Variants in ZSWIM6 observed in about 807,000 individuals in gnomAD.
ZSWIM6 encodes the protein zinc finger SWIM-type containing 6, also known as zinc finger SWIM domain-containing protein 6.
In ZSWIM6, 9 loss-of-function variants were observed where a neutral mutation model predicts 113.2. The ratio of observed to expected loss-of-function variants is 0.08; its 90% CI spans 0.05 to 0.14. ZSWIM6 has a LOEUF of 0.14. ZSWIM6 is among the 10% of genes least tolerant of loss of function. The pLI is 1.00. For synonymous variants in ZSWIM6, 611 were observed against 606.5 expected (o/e 1.01, Z -0.11); for missense variants, 1,162 against 1,552.2 (o/e 0.75, Z 4.22).
At position 61,441,048 on chromosome 5, in the gene ZSWIM6, C is replaced by A. The variant is rs373457937; in HGVS notation, c.677-31633C>A. ...GTTGAGAAACAAACTTGAAATAGAT[C>A]ATACAGGTAACTAGGGACTTACAGA... On this transcript the variant is annotated intron_variant, in intron 1 of 13. Transcript: ENST00000252744. Among the ~76,000 whole-genome samples, 20 of 152,190 alleles carry A rather than the reference C, an allele frequency of 1.3e-4. No individual in the cohort carries two copies. In the East Asian group the frequency reaches 1.9e-3, roughly 15 times the overall value.
chr5:61,476,028 T>C (rs1747701334), intron 2 of ZSWIM6, among the ~76,000 whole-genome samples: 1 of 152,216 alleles, frequency 6.6e-6, no homozygotes, highest in African/African-American at 2.4e-5. Flanking sequence ...GGTTAAGATA[T>C]GATTTAGACT....
In ZSWIM6 at chr5:61,356,779, T is replaced by A. The variant is rs1312465928; in HGVS notation, c.676+23831T>A. 4.3e-5 allele frequency among the ~76,000 whole-genome samples: 6 copies of A among 140,726 alleles called. No homozygotes were observed. In the South Asian group the frequency reaches 8.5e-4, roughly 20 times the overall value. 92.3% of individuals were successfully genotyped at this position (140,726 alleles called of 152,430 possible). A position where few individuals can be genotyped will look rare whatever the true frequency, so the allele number is the denominator to read the frequency against. ...ATATATAATATGTATAATATATATA[T>A]AAATATTTTATATATAATATAAATA... On this transcript the variant is annotated intron_variant, in intron 1 of 13. Coordinates refer to ENST00000252744, the MANE Select transcript of ZSWIM6 (RefSeq NM_020928.2).
chr5:61,542,843 C>T (rs1318095103), intron 13 of ZSWIM6, among the ~76,000 whole-genome samples: 1 of 152,140 alleles, frequency 6.6e-6, no homozygotes, highest in Admixed American at 6.5e-5. Flanking sequence ...AGACCTAGTA[C>T]CTTCTCTTCA....
chr5:61,485,693 A>G (rs888669804), intron 2 of ZSWIM6, among the ~76,000 whole-genome samples: 10 of 152,144 alleles, frequency 6.6e-5, no homozygotes, highest in Non-Finnish European at 7.4e-5. Flanking sequence ...GCTGTTTTTC[A>G]AGCAACTATC....
intron 1 of ZSWIM6, among the ~76,000 whole-genome samples, chr5:61,444,478 G>A (rs1173832189): frequency 6.6e-6 from 1 of 152,004 alleles, no homozygotes; most frequent in Non-Finnish European, 1.5e-5. Context: ...TGGGATTGCT[G>A]GGTCAAATGG....
At chr5:61,494,133 C>CAT (rs1748257934) in intron 3 of ZSWIM6, 127 bp from the exon 4 acceptor site, 1 of 1,027,788 alleles carries the variant, frequency 9.7e-7, no homozygotes, top group African/African-American at 1.6e-5. Context: ...CACACACACA[C>CAT]ACACACACAC....
chr5:61,522,312 G>A (rs913620706), intron 5 of ZSWIM6, among the ~76,000 whole-genome samples: 1 of 152,038 alleles, frequency 6.6e-6, no homozygotes, highest in African/African-American at 2.4e-5. Context: ...ATTTTTGCAT[G>A]ATTCAGTGCA....
chr5:61,517,300 G>A (rs1272123828), intron 4 of ZSWIM6, among the ~76,000 whole-genome samples: 1 of 151,930 alleles, frequency 6.6e-6, no homozygotes, highest in Non-Finnish European at 1.5e-5. Context: ...TGTTTTTAAG[G>A]CTCGGCTCAT....
intron 8 of ZSWIM6, among the ~76,000 whole-genome samples, chr5:61,530,941 A>G (rs1482303634): frequency 1.3e-5 from 2 of 152,164 alleles, no homozygotes; most frequent in Non-Finnish European, 2.9e-5. Context: ...AGTTTGTTAT[A>G]ATTTATAATA....
At chr5:61,396,084 C>T (rs538116058) in intron 1 of ZSWIM6, among the ~76,000 whole-genome samples, 137 of 152,174 alleles carry the variant, frequency 9.0e-4, no homozygotes, top group Non-Finnish European at 1.6e-3. Context: ...TTGGGCAGGG[C>T]GAACCAGAAG....
intron 1 of ZSWIM6, among the ~76,000 whole-genome samples, chr5:61,434,971 T>G (rs1236622755): frequency 6.6e-6 from 1 of 152,208 alleles, no homozygotes; most frequent in Non-Finnish European, 1.5e-5. Flanking sequence ...TTAACCTGTC[T>G]TTAAATGCTG....
chr5:61,513,800 T>C (rs191637402), intron 4 of ZSWIM6, among the ~76,000 whole-genome samples: 1 of 152,260 alleles, frequency 6.6e-6, no homozygotes, highest in East Asian at 1.9e-4. Flanking sequence ...CTGAACTCTA[T>C]TCTGTTCCTT....
At chr5:61,365,868 C>T in intron 1 of ZSWIM6, among the ~76,000 whole-genome samples, 1 of 152,086 alleles carries the variant, frequency 6.6e-6, no homozygotes, top group East Asian at 1.9e-4. Context: ...TGCCCAATAC[C>T]TTAGTTCCTC....
chr5:61,391,500 T>A, intron 1 of ZSWIM6: 3 of 1,266,932 alleles, frequency 2.4e-6, no homozygotes, highest in Non-Finnish European at 3.5e-6. Flanking sequence ...TCTTCTTAGA[T>A]TTATGCCGGT....
chr5:61,465,953 T>A (rs2112174634), intron 1 of ZSWIM6, among the ~76,000 whole-genome samples: 1 of 152,322 alleles, frequency 6.6e-6, no homozygotes, highest in Non-Finnish European at 1.5e-5. Context: ...TAGAAATTAG[T>A]GCTAGAGGAT....
chr5:61,392,014 T>G (rs1745727670), intron 1 of ZSWIM6: 2 of 389,898 alleles, frequency 5.1e-6, no homozygotes, highest in East Asian at 1.1e-4. Flanking sequence ...ATTTCCCTCA[T>G]AGATTGACAT....
chr5:61,391,344 C>T (rs1745707021), intron 1 of ZSWIM6: 1 of 828,140 alleles, frequency 1.2e-6, no homozygotes, highest in African/African-American at 1.7e-5. Flanking sequence ...GGTGGGCCTT[C>T]CTCTGGTGCA....
Position 61,525,956 on chromosome 5 carries a change from G to T in ZSWIM6, c.1670G>T (p.Arg557Leu), listed in dbSNP as rs139745227. The change falls in exon 6 of 14, where the codon CGC becomes CTC. Residue 557 changes from arginine to leucine, a missense_variant. Coordinates refer to ENST00000252744, the MANE Select transcript of ZSWIM6 (RefSeq NM_020928.2). ...ACTGAAAACTCCCTCTTCGACTCCC[G>T]CGGGTGGCCCCTCTGGCATGGTAAG... ...DDTENSLFDS[R>L]GWPLWHEHVP... The T allele has an allele frequency of 1.9e-6, 3 of 1,552,062 alleles. No individual in the cohort carries two copies. Among genetic ancestry groups the T allele is most frequent in the Non-Finnish European group, 2.6e-6 (3 of 1,147,032 alleles).
At chr5:61,465,078 T>G (rs961434844) in intron 1 of ZSWIM6, among the ~76,000 whole-genome samples, 3 of 152,126 alleles carry the variant, frequency 2.0e-5, no homozygotes, top group Non-Finnish European at 4.4e-5. Context: ...GTCCCCACCT[T>G]TAAGAAGGGT....
Sources: gnomAD v4.1 joint callset for allele counts (sites outside exome capture counted in the v4.1 genomes callset) on GRCh38, gnomAD v4.1.1 for gene constraint, MANE v1.5 for transcripts, NCBI Gene and HGNC (gene_info 2026-07-23, HGNC 2026-07-21) for gene names.